The following ADGRL3 variants were observed in gnomAD, a reference collection of about 807,000 sequenced individuals.
The protein encoded by ADGRL3 is calcium-independent alpha-latrotoxin receptor 3.
Under a neutral mutation model 153.5 loss-of-function variants are expected in ADGRL3, and 62 were observed. The ratio of observed to expected loss-of-function variants is 0.40; its 90% CI spans 0.33 to 0.50. The LOEUF (loss-of-function observed/expected upper bound fraction) is 0.50, where lower values mean the gene tolerates loss of function less well. ADGRL3 is among the 20% of genes least tolerant of loss of function. The pLI is 0.47. For missense variants in ADGRL3, 1,641 were observed against 1,859.4 expected (o/e 0.88, Z 2.16); for synonymous variants, 710 against 672.5 (o/e 1.06, Z -0.86).
chr4:61,580,529 T>C (rs1247829026), intron 4 of ADGRL3, among the ~76,000 whole-genome samples: 1 of 152,118 alleles, frequency 6.6e-6, no homozygotes, highest in Non-Finnish European at 1.5e-5. Flanking sequence ...CTGTATTGGA[T>C]AGCCAAAAAC....
intron 1 of ADGRL3, among the ~76,000 whole-genome samples, chr4:61,362,500 T>C (rs1209841355): frequency 6.6e-6 from 1 of 152,084 alleles, no homozygotes; most frequent in Non-Finnish European, 1.5e-5. Context: ...CTATTGTTGA[T>C]TGGAAGTCTT....
intron 1 of ADGRL3, among the ~76,000 whole-genome samples, chr4:61,239,040 C>T (rs1036392366): frequency 1.3e-5 from 2 of 152,126 alleles, no homozygotes; most frequent in African/African-American, 4.8e-5. Flanking sequence ...ATTTGTGTCT[C>T]TGGTCTAGCC....
At chr4:61,646,852 A>C (rs1307576843) in intron 5 of ADGRL3, among the ~76,000 whole-genome samples, 2 of 152,278 alleles carry the variant, frequency 1.3e-5, no homozygotes, top group South Asian at 4.1e-4. Context: ...AAGCCTGGGC[A>C]ATGGCGGGCG....
chr4:61,410,317 A>G (rs1253381341), intron 2 of ADGRL3, among the ~76,000 whole-genome samples: 1 of 152,194 alleles, frequency 6.6e-6, no homozygotes, highest in Non-Finnish European at 1.5e-5. Context: ...TTCCCCAAAT[A>G]TAAACATTGT....
chr4:61,240,838 C>T (rs1420070111), intron 1 of ADGRL3, among the ~76,000 whole-genome samples: 2 of 151,922 alleles, frequency 1.3e-5, no homozygotes, highest in Non-Finnish European at 2.9e-5. Flanking sequence ...TGATTACAAT[C>T]TTATGCATAG....
chr4:61,421,537 C>T (rs1370756526), intron 2 of ADGRL3, among the ~76,000 whole-genome samples: 1 of 152,090 alleles, frequency 6.6e-6, no homozygotes, highest in Non-Finnish European at 1.5e-5. Flanking sequence ...ATTTGGCCTG[C>T]TTATTTTTCT....
intron 2 of ADGRL3, among the ~76,000 whole-genome samples, chr4:61,452,549 G>T (rs2097688494): frequency 6.6e-6 from 1 of 152,148 alleles, no homozygotes; most frequent in South Asian, 2.1e-4. Context: ...AATTTTGGTG[G>T]TAATGTGTGA....
intron 17 of ADGRL3, among the ~76,000 whole-genome samples, chr4:61,961,414 A>G (rs1456566006): frequency 6.6e-6 from 1 of 152,180 alleles, no homozygotes; most frequent in Non-Finnish European, 1.5e-5. Context: ...TTGTCTTCCT[A>G]CCATGATGGC....
intron 1 of ADGRL3, among the ~76,000 whole-genome samples, chr4:61,370,098 C>A (rs190181694): frequency 2.6e-5 from 4 of 152,010 alleles, no homozygotes; most frequent in African/African-American, 9.7e-5. Flanking sequence ...TTTTCTATTG[C>A]GTCTATTTGA....
intron 6 of ADGRL3, among the ~76,000 whole-genome samples, chr4:61,727,059 A>G (rs1206735379): frequency 6.6e-6 from 1 of 152,128 alleles, no homozygotes; most frequent in Non-Finnish European, 1.5e-5. Context: ...TCTGATCCAT[A>G]CCTTTTCTAA....
intron 9 of ADGRL3, among the ~76,000 whole-genome samples, chr4:61,870,988 G>A (rs962594135): frequency 3.3e-5 from 5 of 152,162 alleles, no homozygotes; most frequent in South Asian, 2.1e-4. Flanking sequence ...TTAAAAAAGT[G>A]TATACGGGGG....
chr4:61,579,409 T>G (rs2149259214), intron 4 of ADGRL3, among the ~76,000 whole-genome samples: 1 of 152,206 alleles, frequency 6.6e-6, no homozygotes, highest in South Asian at 2.1e-4. Context: ...TTTGACAAAG[T>G]TTTAGAAATG....
At chr4:61,613,845 C>G (rs892071273) in intron 5 of ADGRL3, among the ~76,000 whole-genome samples, 2 of 152,034 alleles carry the variant, frequency 1.3e-5, no homozygotes, top group Non-Finnish European at 2.9e-5. Flanking sequence ...GAATATATCA[C>G]CTATAAAAAT....
At chr4:61,656,324 A>T (rs189198449) in intron 5 of ADGRL3, among the ~76,000 whole-genome samples, 1 of 152,128 alleles carries the variant, frequency 6.6e-6, no homozygotes, top group Non-Finnish European at 1.5e-5. Context: ...CCATTTGTTG[A>T]GTGAAAAAGA....
At chr4:61,921,891 A>T (rs905781040) in intron 13 of ADGRL3, among the ~76,000 whole-genome samples, 1 of 152,202 alleles carries the variant, frequency 6.6e-6, no homozygotes, top group Non-Finnish European at 1.5e-5. Flanking sequence ...CATGGAAAAG[A>T]GTAAATGTGT....
At chr4:61,465,708 T>C (rs2097870673) in intron 2 of ADGRL3, among the ~76,000 whole-genome samples, 1 of 147,902 alleles carries the variant, frequency 6.8e-6, no homozygotes, top group African/African-American at 2.5e-5. Context: ...CAAACCAACA[T>C]AGTTTATCTT....
chr4:61,253,454 A>G (rs2091653475), intron 1 of ADGRL3, among the ~76,000 whole-genome samples: 1 of 152,094 alleles, frequency 6.6e-6, no homozygotes, highest in Admixed American at 6.6e-5. Context: ...CTCTTACTCC[A>G]TTGACAAACA....
chr4:61,422,832 C>A (rs1019460160), intron 2 of ADGRL3, among the ~76,000 whole-genome samples: 1 of 151,166 alleles, frequency 6.6e-6, no homozygotes, highest in African/African-American at 2.4e-5. Context: ...AATATATATT[C>A]TTAGAAATAT....
At chr4:61,627,760 C>T (rs577527074) in intron 5 of ADGRL3, among the ~76,000 whole-genome samples, 61 of 152,224 alleles carry the variant, frequency 4.0e-4, no homozygotes, top group Non-Finnish European at 7.6e-4. Context: ...GGATAGTACC[C>T]TTCTAAGTCC....
Sources: gnomAD v4.1 joint callset for allele counts (sites outside exome capture counted in the v4.1 genomes callset) on GRCh38, gnomAD v4.1.1 for gene constraint, MANE v1.5 for transcripts, NCBI Gene and HGNC (gene_info 2026-07-23, HGNC 2026-07-21) for gene names.